G2E3: variants seen among roughly 807,000 people sequenced by gnomAD.
G2E3 encodes the protein G2/M-phase specific E3 ubiquitin protein ligase.
G2E3 carries 35 observed loss-of-function variants against 92.8 expected under a neutral mutation model. The ratio of observed to expected loss-of-function variants is 0.38; its 90% CI spans 0.29 to 0.50. The LOEUF (loss-of-function observed/expected upper bound fraction) is 0.50, where lower values mean the gene tolerates loss of function less well. Among genes scored for constraint, G2E3 ranks in the 20% least tolerant of loss-of-function variants. G2E3 has a pLI of 0.94. For synonymous variants in G2E3, 242 were observed against 272.4 expected (o/e 0.89, Z 1.10); for missense variants, 554 against 823.8 (o/e 0.67, Z 4.01).
intron 1 of G2E3, among the ~76,000 whole-genome samples, chr14:30,564,507 T>A (rs946899121): frequency 4.6e-5 from 7 of 151,904 alleles, no homozygotes; most frequent in African/African-American, 1.2e-4. Flanking sequence ...TAATTAAAAA[T>A]TTTTTTTATA....
In G2E3 at chr14:30,619,369, CTG is replaced by C. The variant is rs1882459740; in HGVS notation, c.*2838_*2839del. Reference sequence around the variant, plus strand: ...TATATTAGGTAAGTTTTTTCAGTGACTGTGCCTTTAGCATTCAGTCATTATAA... The same window carrying C: ...TATATTAGGTAAGTTTTTTCAGTGACTGCCTTTAGCATTCAGTCATTATAA... On this transcript the variant is annotated 3_prime_UTR_variant, in exon 15 of 15. Coordinates refer to ENST00000206595, the MANE Select transcript of G2E3 (RefSeq NM_017769.5). The C allele has an allele frequency of 6.6e-6, 1 of 152,086 alleles. No individual in the cohort carries two copies. Among genetic ancestry groups the C allele is most frequent in the African/African-American group, 2.4e-5 (1 of 41,446 alleles). The allele number at this position is 152,086 out of a possible 1,614,324, so 9.4% of individuals were successfully genotyped here. A position where few individuals can be genotyped will look rare whatever the true frequency, so the allele number is the denominator to read the frequency against.
chr14:30,602,185 A>T, intron 10 of G2E3, 54 bp downstream of exon 10: 1 of 1,358,904 alleles, frequency 7.4e-7, no homozygotes, highest in Non-Finnish European at 1.0e-6. Flanking sequence ...GAAAATTATG[A>T]TAGGAAATGC....
At chr14:30,581,617 G>A (rs544095588) in intron 2 of G2E3, among the ~76,000 whole-genome samples, 3 of 152,254 alleles carry the variant, frequency 2.0e-5, no homozygotes, top group East Asian at 1.9e-4. Context: ...CAGGAGAATC[G>A]CTTGAACCCG....
At chr14:30,602,198 T>C in intron 10 of G2E3, 67 bp downstream of exon 10, 2 of 1,256,596 alleles carry the variant, frequency 1.6e-6, no homozygotes, top group South Asian at 2.7e-5. Flanking sequence ...GGAAATGCCA[T>C]ATACATTTAG....
At chr14:30,609,592 T>C (rs1201801843) in intron 12 of G2E3, among the ~76,000 whole-genome samples, 1 of 152,228 alleles carries the variant, frequency 6.6e-6, no homozygotes, top group African/African-American at 2.4e-5. Flanking sequence ...TTCTCTCCTG[T>C]AATCTTTCTG....
intron 1 of G2E3, chr14:30,560,262 T>C (rs1175014046): frequency 1.3e-5 from 2 of 152,760 alleles, no homozygotes; most frequent in Non-Finnish European, 1.5e-5. Context: ...GTTTTACATC[T>C]TTATTAAAAA....
At position 30,590,409 on chromosome 14, in the gene G2E3, C is replaced by A. The variant is rs550105635; in HGVS notation, c.237+925C>A. On this transcript the variant is annotated intron_variant, in intron 4 of 14. Coordinates refer to ENST00000206595, the MANE Select transcript of G2E3 (RefSeq NM_017769.5). ...ACAGAAGGGTAAATGTCATTAGGCT[C>A]AAAGGTCCAAATTTTTCAAAGTGTG... The A allele has an allele frequency of 4.0e-5, 10 of 249,122 alleles. No individual in the cohort carries two copies. In the South Asian group the frequency reaches 4.7e-4, roughly 12 times the overall value. 15.4% of individuals were successfully genotyped at this position (249,122 alleles called of 1,614,324 possible). A position where few individuals can be genotyped will look rare whatever the true frequency, so the allele number is the denominator to read the frequency against.
intron 1 of G2E3, among the ~76,000 whole-genome samples, chr14:30,562,011 A>G (rs1879130179): frequency 6.6e-6 from 1 of 152,194 alleles, no homozygotes; most frequent in Non-Finnish European, 1.5e-5. Context: ...ATCAGGAGCA[A>G]TGTTTGTTAA....
chr14:30,566,291 G>A (rs772531945), intron 1 of G2E3, among the ~76,000 whole-genome samples: 14 of 152,130 alleles, frequency 9.2e-5, no homozygotes, highest in Non-Finnish European at 1.3e-4. Flanking sequence ...AAAGGCCATC[G>A]GGATTTTGAC....
intron 8 of G2E3, among the ~76,000 whole-genome samples, chr14:30,600,388 G>T (rs775692906): frequency 1.3e-5 from 2 of 152,106 alleles, no homozygotes; most frequent in Admixed American, 6.5e-5. Flanking sequence ...AGAAGGCAGA[G>T]ATCTCATTGA....
intron 12 of G2E3, 79 bp from the exon 13 acceptor site, chr14:30,612,128 A>G: frequency 1.0e-6 from 1 of 983,300 alleles, no homozygotes; most frequent in Non-Finnish European, 1.6e-6. Flanking sequence ...TTGAGTATAA[A>G]TTAACAAGTA....
intron 13 of G2E3, among the ~76,000 whole-genome samples, chr14:30,613,168 A>G (rs1393198924): frequency 1.3e-5 from 2 of 152,166 alleles, no homozygotes; most frequent in Non-Finnish European, 2.9e-5. Flanking sequence ...AACAATGGAA[A>G]TACACATATG....
In G2E3 at chr14:30,576,523, A is replaced by G. The variant is rs142510288; in HGVS notation, c.-4-4553A>G. 1.1e-3 allele frequency among the ~76,000 whole-genome samples: 161 copies of G among 152,360 alleles called. 1 individual carries two copies. In the East Asian group the frequency reaches 0.029, roughly 28 times the overall value. On this transcript the variant is annotated intron_variant, in intron 1 of 14. Transcript: ENST00000206595. Reference sequence around the variant, plus strand: ...ACAAAAGCAAAAATTGACAAGTGGGATCTAGTTAAACTTAAGGGTTTCTGC... The same window carrying G: ...ACAAAAGCAAAAATTGACAAGTGGGGTCTAGTTAAACTTAAGGGTTTCTGC...
chr14:30,575,273 T>G (rs1880012225), intron 1 of G2E3, among the ~76,000 whole-genome samples: 1 of 152,146 alleles, frequency 6.6e-6, no homozygotes, highest in Non-Finnish European at 1.5e-5. Flanking sequence ...AATGGGGTTG[T>G]TTTTTTCTTG....
chr14:30,572,065 G>T (rs747168934), intron 1 of G2E3, among the ~76,000 whole-genome samples: 2 of 151,804 alleles, frequency 1.3e-5, no homozygotes, highest in Admixed American at 6.6e-5. Flanking sequence ...ATTTCTCTCA[G>T]CAGTGTTTTG....
At chr14:30,598,440 C>T in intron 7 of G2E3, 43 bp from the exon 8 acceptor site, 1 of 1,200,290 alleles carries the variant, frequency 8.3e-7, no homozygotes, top group Non-Finnish European at 1.2e-6. Context: ...TCTTATGTAA[C>T]ATTATTTATA....
Position 30,605,638 on chromosome 14 carries a change from C to G in G2E3, c.1144C>G (p.Arg382Gly). 1 of 1,606,376 alleles carries G rather than the reference C, an allele frequency of 6.2e-7. No homozygotes were observed. Among genetic ancestry groups the G allele is most frequent in the Non-Finnish European group, 8.5e-7 (1 of 1,174,000 alleles). ...WNSALDAFRN[R>G]NFNPSYAIEV... ...TAGTGCCTTAGATGCATTCAGAAATCGAAACTTTAATCCTTCATATGCAAT... is the reference window on the plus strand; with the variant it reads ...TAGTGCCTTAGATGCATTCAGAAATGGAAACTTTAATCCTTCATATGCAAT... The change falls in exon 11 of 15, where the codon CGA (arginine) becomes GGA (glycine). Residue 382 changes from arginine (R) to glycine (G), a missense_variant. Arg to Gly is a moderately radical substitution (Grantham distance 125). Transcript: ENST00000206595.
At chr14:30,579,558 CTG>C (rs1449856994) in intron 1 of G2E3, among the ~76,000 whole-genome samples, 1 of 152,156 alleles carries the variant, frequency 6.6e-6, no homozygotes, top group South Asian at 2.1e-4. Context: ...ATAAAATAAT[CTG>C]TGTCCTACAT....
chr14:30,601,992 T>A lies in G2E3; in HGVS notation c.878-7T>A. On this transcript the variant is annotated splice_polypyrimidine_tract_variant and splice_region_variant and intron_variant, in intron 9 of 14. Coordinates refer to ENST00000206595, the MANE Select transcript of G2E3 (RefSeq NM_017769.5). ...TATTATGCTAACATGGAAATTTAAATCTGTAGGAGAGTTCCAAAAAGCCAA... is the reference window on the plus strand; with the variant it reads ...TATTATGCTAACATGGAAATTTAAAACTGTAGGAGAGTTCCAAAAAGCCAA... The A allele has an allele frequency of 6.2e-7, 1 of 1,607,944 alleles. No homozygotes were observed.
Sources: allele counts gnomAD v4.1 joint callset (sites outside exome capture counted in the v4.1 genomes callset), GRCh38; gene constraint gnomAD v4.1.1; transcripts MANE v1.5; gene names NCBI Gene and HGNC (gene_info 2026-07-23, HGNC 2026-07-21).